The following TULP4 variants were observed in gnomAD, a reference collection of about 807,000 sequenced individuals.
TULP4 encodes tubby-related protein 4.
A neutral mutation model predicts 129.0 loss-of-function variants in TULP4; 16 were observed. The observed-to-expected ratio is 0.12, with a 90% CI of 0.08 to 0.19. TULP4 has a LOEUF of 0.19. TULP4 is among the 10% of genes least tolerant of loss of function. The pLI is 1.00. For synonymous variants in TULP4, 998 were observed against 854.0 expected, an observed-to-expected ratio of 1.17 and a Z score of -2.94; for missense variants, 1,842 against 2,059.1, an observed-to-expected ratio of 0.89 and a Z score of 2.04.
rs751015565 is a variant in TULP4, at chr6:158,493,685, C to T, written c.1744C>T (p.Arg582Trp). ...CTCTGTGGGCTCGCCCAGCCTGACT[C>T]GGAGAGAGTTTCCTTTTGAAGACAT... is the stretch of plus-strand genomic sequence containing the variant. Reference protein sequence around the residue: ...KPSVGSPSLTRREFPFEDITQ... With the variant: ...KPSVGSPSLTWREFPFEDITQ... Residue 582 changes from arginine (R) to tryptophan (W), a missense_variant, in exon 10 of 14, where the codon CGG (arginine) becomes TGG (tryptophan). By Grantham distance (101) the Arg-to-Trp change is moderately radical. Coordinates refer to ENST00000367097, the MANE Select transcript of TULP4 (RefSeq NM_020245.5). The surrounding 1 kb of genome is among the most constrained non-coding windows in gnomAD (Gnocchi z 4.4). 2.4e-5 allele frequency: 39 copies of T among 1,592,292 alleles called. No individual in the cohort carries two copies. Among genetic ancestry groups the T allele is most frequent in the African/African-American group, 1.4e-4 (10 of 73,754 alleles).
At chr6:158,242,290 A>C (rs1777937611) in intron 1 of TULP4, 1 of 1,560,660 alleles carries the variant, frequency 6.4e-7, no homozygotes, top group Admixed American at 1.7e-5. Flanking sequence ...AGTGTTTAGC[A>C]CAGCTCATGT....
chr6:158,325,474 T>C (rs1345810985), intron 1 of TULP4, among the ~76,000 whole-genome samples: 4 of 150,536 alleles, frequency 2.7e-5, no homozygotes, highest in Non-Finnish European at 1.5e-5. Flanking sequence ...TGCCTTAGCC[T>C]CCCGAGTAGC....
At chr6:158,466,984 G>C (rs1055130843) in intron 6 of TULP4, among the ~76,000 whole-genome samples, 1 of 152,076 alleles carries the variant, frequency 6.6e-6, no homozygotes, top group African/African-American at 2.4e-5. Context: ...AAGGAAAGAG[G>C]CCTGTATAGA....
At chr6:158,387,299 G>T (rs1446497113) in intron 1 of TULP4, among the ~76,000 whole-genome samples, 2 of 152,052 alleles carry the variant, frequency 1.3e-5, no homozygotes, top group Non-Finnish European at 2.9e-5. Context: ...ATTAGATGAC[G>T]ATCTGTCAGT....
At chr6:158,284,065 G>A (rs898540006) in intron 1 of TULP4, among the ~76,000 whole-genome samples, 3 of 152,104 alleles carry the variant, frequency 2.0e-5, no homozygotes, top group African/African-American at 7.2e-5. Flanking sequence ...GCAAACATCC[G>A]TTAAAAGTCT....
intron 1 of TULP4, among the ~76,000 whole-genome samples, chr6:158,274,237 G>A (rs866902545): frequency 3.3e-5 from 5 of 151,334 alleles, no homozygotes; most frequent in African/African-American, 4.9e-5. Flanking sequence ...CAGCCTGGGC[G>A]ACAGAGTGAG....
chr6:158,275,674 A>G (rs575139894), intron 1 of TULP4, among the ~76,000 whole-genome samples: 1 of 152,346 alleles, frequency 6.6e-6, no homozygotes, highest in East Asian at 1.9e-4. Context: ...CAGACCTGTC[A>G]GCATGGAGCC....
intron 1 of TULP4, among the ~76,000 whole-genome samples, chr6:158,290,624 T>A (rs1368492996): frequency 1.3e-5 from 2 of 152,182 alleles, no homozygotes; most frequent in East Asian, 3.8e-4. Context: ...TTTAGAAGTT[T>A]TATACTTTAT....
At chr6:158,321,397 A>G (rs1254809952) in intron 1 of TULP4, among the ~76,000 whole-genome samples, 2 of 152,150 alleles carry the variant, frequency 1.3e-5, no homozygotes, top group East Asian at 1.9e-4. Flanking sequence ...CCTACATGCT[A>G]TGACTCCAGA....
intron 1 of TULP4, among the ~76,000 whole-genome samples, chr6:158,379,919 G>A (rs1777285186): frequency 6.6e-6 from 1 of 152,174 alleles, no homozygotes; most frequent in African/African-American, 2.4e-5. Flanking sequence ...AAAAACCGGG[G>A]CATCAGACTG....
chr6:158,248,560 T>C (rs1322729173), intron 1 of TULP4, among the ~76,000 whole-genome samples: 1 of 152,064 alleles, frequency 6.6e-6, no homozygotes, highest in African/African-American at 2.4e-5. Context: ...TGAGCCACCG[T>C]GCCCGGCGTC....
At chr6:158,308,554 C>T (rs1446735325), upstream of TULP4, among the ~76,000 whole-genome samples, 1 of 151,992 alleles carries the variant, frequency 6.6e-6, no homozygotes, top group Non-Finnish European at 1.5e-5. Flanking sequence ...GGCAGAGGGG[C>T]TCTTCACTTC....
At chr6:158,319,678 A>C (rs911590233) in intron 1 of TULP4, among the ~76,000 whole-genome samples, 12 of 152,258 alleles carry the variant, frequency 7.9e-5, no homozygotes, top group Non-Finnish European at 1.8e-4. Flanking sequence ...GTATTTAACA[A>C]ATCTTAACAG....
At chr6:158,365,040 A>G (rs1380320572) in intron 1 of TULP4, among the ~76,000 whole-genome samples, 2 of 151,282 alleles carry the variant, frequency 1.3e-5, no homozygotes, top group South Asian at 2.1e-4. Flanking sequence ...CAGCCCCTAG[A>G]TTTGTTTTTA....
chr6:158,445,583 T>G (rs149309300), intron 3 of TULP4, among the ~76,000 whole-genome samples: 1 of 152,126 alleles, frequency 6.6e-6, no homozygotes, highest in Non-Finnish European at 1.5e-5. Context: ...TTCAGAATGC[T>G]GTGGGGGCCG....
upstream of TULP4, among the ~76,000 whole-genome samples, chr6:158,308,888 A>AC (rs1305162838): frequency 4.1e-5 from 4 of 97,010 alleles, no homozygotes; most frequent in Non-Finnish European, 6.1e-5. Context: ...TGGGGGGCTG[A>AC]CCCCCCCACC....
At chr6:158,280,931 A>G (rs1778737801), upstream of TULP4, among the ~76,000 whole-genome samples, 1 of 152,220 alleles carries the variant, frequency 6.6e-6, no homozygotes, top group Non-Finnish European at 1.5e-5. Context: ...TTTATTTTTA[A>G]AAAATATTTT....
At chr6:158,331,744 CGT>C (rs772759931) in intron 1 of TULP4, among the ~76,000 whole-genome samples, 3,194 of 21,768 alleles carry the variant, frequency 0.15, 1,150 homozygotes, top group Non-Finnish European at 0.29. Context: ...TATATATATA[CGT>C]GTATATACAC....
chr6:158,327,122 G>T (rs1779762966), intron 1 of TULP4, among the ~76,000 whole-genome samples: 1 of 40,724 alleles, frequency 2.5e-5, no homozygotes, highest in South Asian at 1.5e-3. Flanking sequence ...GGGATTTGTT[G>T]TAAGGATTCA....
Sources: gnomAD v4.1 joint callset for allele counts (sites outside exome capture counted in the v4.1 genomes callset) on GRCh38, gnomAD v4.1.1 for gene constraint, Gnocchi (gnomAD v3.1) non-coding constraint, MANE v1.5 for transcripts, NCBI Gene and HGNC (gene_info 2026-07-23, HGNC 2026-07-21) for gene names.